The following CNTNAP5 variants were observed in gnomAD, a reference collection of about 807,000 sequenced individuals.
The protein encoded by CNTNAP5 is contactin-associated protein-like 5.
Under a neutral mutation model 150.2 loss-of-function variants are expected in CNTNAP5, and 72 were observed. The ratio of observed to expected loss-of-function variants is 0.48; its 90% confidence interval spans 0.40 to 0.58. CNTNAP5 has a LOEUF of 0.58. Ranked by LOEUF, CNTNAP5 falls within the 20% of genes least tolerant of loss-of-function variation. The pLI is 0.00. For synonymous variants in CNTNAP5, 672 were observed against 619.8 expected, an observed-to-expected ratio of 1.08 and a Z score of -1.25; for missense variants, 1,636 against 1,626.2, an observed-to-expected ratio of 1.01 and a Z score of -0.10.
intron 2 of CNTNAP5, among the ~76,000 whole-genome samples, chr2:124,222,891 T>C (rs1286039652): frequency 6.6e-6 from 1 of 152,144 alleles, no homozygotes; most frequent in Non-Finnish European, 1.5e-5. Flanking sequence ...ATGGGATTCA[T>C]AATTTAAAAG....
rs552115950 is a variant in CNTNAP5, at chr2:124,355,931, G to C, written c.382-61512G>C. Among the ~76,000 whole-genome samples the C allele has an allele frequency of 2.0e-5, 3 of 152,288 alleles. 1 individual carries two copies. In the South Asian group the frequency reaches 6.2e-4, roughly 32 times the overall value. On this transcript the variant is annotated intron_variant, in intron 3 of 23. Transcript: ENST00000682447. ...TCTAAAAGAATAGAGGCAATGCTAAGATGTTGTAACACGTCTGCAAATGAA... is the reference window on the plus strand; with the variant it reads ...TCTAAAAGAATAGAGGCAATGCTAACATGTTGTAACACGTCTGCAAATGAA...
intron 13 of CNTNAP5, among the ~76,000 whole-genome samples, chr2:124,698,819 CT>C (rs1281506229): frequency 1.3e-5 from 2 of 152,144 alleles, no homozygotes; most frequent in African/African-American, 4.8e-5. Context: ...TTCCCACCCC[CT>C]AGGCCATTAG....
At chr2:124,687,390 C>T (rs759411876) in intron 13 of CNTNAP5, among the ~76,000 whole-genome samples, 2 of 151,988 alleles carry the variant, frequency 1.3e-5, no homozygotes, top group Non-Finnish European at 2.9e-5. Context: ...CCTTCCTGAA[C>T]AGTTATTAAG....
At chr2:124,123,150 AC>A (rs1683608075) in intron 1 of CNTNAP5, among the ~76,000 whole-genome samples, 1 of 151,998 alleles carries the variant, frequency 6.6e-6, no homozygotes, top group African/African-American at 2.4e-5. Flanking sequence ...CCCTTTCATA[AC>A]CAAGGGAAGG....
intron 5 of CNTNAP5, among the ~76,000 whole-genome samples, chr2:124,444,202 A>C (rs1692747860): frequency 6.6e-6 from 1 of 151,554 alleles, no homozygotes; most frequent in Admixed American, 6.6e-5. Flanking sequence ...TCTTGCCTGA[A>C]CCCCTTTATG....
intron 3 of CNTNAP5, among the ~76,000 whole-genome samples, chr2:124,384,470 T>A (rs903051676): frequency 1.3e-5 from 2 of 152,182 alleles, no homozygotes; most frequent in African/African-American, 4.8e-5. Context: ...ATTTTGGACA[T>A]AAAGAAAGGG....
chr2:124,784,261 C>T (rs1277016201), intron 17 of CNTNAP5, among the ~76,000 whole-genome samples: 1 of 152,176 alleles, frequency 6.6e-6, no homozygotes, highest in Non-Finnish European at 1.5e-5. Flanking sequence ...CCAGGGGCTT[C>T]TCTGAAAATC....
rs1680072057 is a variant in CNTNAP5 at position 124,722,674 on chromosome 2, G to T, written c.2078-24555G>T. Among the ~76,000 whole-genome samples, 3 of 152,128 alleles carry T rather than the reference G, an allele frequency of 2.0e-5. No individual in the cohort carries two copies. The South Asian group carries it at 6.2e-4, about 31-fold the overall frequency. On this transcript the variant is annotated intron_variant, in intron 13 of 23. Coordinates refer to ENST00000682447, the MANE Select transcript of CNTNAP5 (RefSeq NM_001367498.1). The stretch of plus-strand genomic sequence containing the variant: ...CCATAGGAGTTGGGTAATGGCAGCT[G>T]GGCTGCTGAGATTAAGGGGGTAGCC...
intron 6 of CNTNAP5, among the ~76,000 whole-genome samples, chr2:124,458,850 AG>A (rs1693182485): frequency 6.6e-6 from 1 of 152,224 alleles, no homozygotes; most frequent in African/African-American, 2.4e-5. Flanking sequence ...TAATAAAAAA[AG>A]AAATGCTAAT....
At chr2:124,714,444 G>A (rs192514877) in intron 13 of CNTNAP5, among the ~76,000 whole-genome samples, 116 of 152,168 alleles carry the variant, frequency 7.6e-4, no homozygotes, top group African/African-American at 2.6e-3. Context: ...ATGAAAACTA[G>A]CCCTTCAGTT....
intron 11 of CNTNAP5, among the ~76,000 whole-genome samples, chr2:124,567,410 A>G (rs745583878): frequency 2.0e-5 from 3 of 152,236 alleles, no homozygotes; most frequent in Non-Finnish European, 4.4e-5. Flanking sequence ...TTTAAGAAAA[A>G]CATGATGAAT....
chr2:124,555,544 G>C (rs1695733477), intron 10 of CNTNAP5, among the ~76,000 whole-genome samples: 1 of 152,184 alleles, frequency 6.6e-6, no homozygotes. Flanking sequence ...TTCTGTACTT[G>C]TGGGATTATA....
intron 1 of CNTNAP5, among the ~76,000 whole-genome samples, chr2:124,178,856 A>G (rs1255787723): frequency 6.6e-6 from 1 of 152,122 alleles, no homozygotes; most frequent in African/African-American, 2.4e-5. Flanking sequence ...AGCAACAGCA[A>G]TAGTTTGAAT....
intron 1 of CNTNAP5, among the ~76,000 whole-genome samples, chr2:124,098,111 C>T (rs4630769): frequency 0.97 from 147,719 of 152,338 alleles, 71,779 homozygotes; most frequent in East Asian, 1. Flanking sequence ...AGCCTATTAT[C>T]GGCCAGAAGC....
At chr2:124,786,427 G>GAAAGAAAGAAAGAAAGA (rs1177089819) in intron 17 of CNTNAP5, among the ~76,000 whole-genome samples, 2 of 112,080 alleles carry the variant, frequency 1.8e-5, no homozygotes, top group African/African-American at 8.2e-5. Context: ...AGGAAGGAAG[G>GAAAGAAAGAAAGAAAGA]AAGGAAGGAA....
At chr2:124,553,231 G>A (rs1353648911) in intron 10 of CNTNAP5, among the ~76,000 whole-genome samples, 4 of 152,128 alleles carry the variant, frequency 2.6e-5, no homozygotes, top group Admixed American at 1.3e-4. Flanking sequence ...GGGCCTGGCA[G>A]GGTGGCTCAC....
intron 12 of CNTNAP5, among the ~76,000 whole-genome samples, chr2:124,612,455 TAGAG>T (rs1677406837): frequency 6.6e-6 from 1 of 152,182 alleles, no homozygotes; most frequent in Admixed American, 6.5e-5. Context: ...GACAAGGACT[TAGAG>T]AGTCTGACTG....
At chr2:124,888,967 G>C (rs184549350) in intron 21 of CNTNAP5, among the ~76,000 whole-genome samples, 1 of 144,316 alleles carries the variant, frequency 6.9e-6, no homozygotes, top group African/African-American at 2.6e-5. Flanking sequence ...GTCAATTTTT[G>C]TTTTTGTCAC....
At chr2:124,761,965 A>G (rs1173084449) in intron 14 of CNTNAP5, among the ~76,000 whole-genome samples, 1 of 152,016 alleles carries the variant, frequency 6.6e-6, no homozygotes, top group Non-Finnish European at 1.5e-5. Context: ...AGAAACTACC[A>G]TTTTCACCTT....
Sources: gnomAD v4.1 joint callset for allele counts (sites outside exome capture counted in the v4.1 genomes callset) on GRCh38, gnomAD v4.1.1 for gene constraint, MANE v1.5 for transcripts, NCBI Gene and HGNC (gene_info 2026-07-23, HGNC 2026-07-21) for gene names.